The following KCNH4 variants were observed in gnomAD, a reference collection of about 807,000 sequenced individuals.
KCNH4 encodes potassium voltage-gated channel subfamily H member 4.
A neutral mutation model predicts 90.7 loss-of-function variants in KCNH4; 33 were observed. The observed-to-expected ratio is 0.36, with a 90% CI of 0.28 to 0.49. The LOEUF (loss-of-function observed/expected upper bound fraction) is 0.49. Among genes scored for constraint, KCNH4 ranks in the 20% least tolerant of loss-of-function variants. The probability of loss-of-function intolerance (pLI) is 0.98; values close to 1 mark genes in which losing one functional copy is unlikely to be tolerated. For synonymous variants in KCNH4, 551 were observed against 581.7 expected, an observed-to-expected ratio of 0.95 and a Z score of 0.76; for missense variants, 1,044 against 1,387.1, an observed-to-expected ratio of 0.75 and a Z score of 3.93.
intron 6 of KCNH4, among the ~76,000 whole-genome samples, chr17:42,173,895 G>T (rs1377177984): frequency 6.6e-6 from 1 of 151,592 alleles, no homozygotes; most frequent in African/African-American, 2.4e-5. Context: ...GTAGAGACAG[G>T]ATTTCACCAT....
In KCNH4 at chr17:42,173,693, C is replaced by CTTTTTTTTTTTTTTTTTTT. The variant is rs532100884; in HGVS notation, c.988-1717_988-1699dup. 3.0e-5 allele frequency among the ~76,000 whole-genome samples: 2 copies of CTTTTTTTTTTTTTTTTTTT among 66,266 alleles called. 1 individual carries two copies. Among genetic ancestry groups the CTTTTTTTTTTTTTTTTTTT allele is most frequent in the African/African-American group, 1.3e-4 (2 of 14,970 alleles). 43.5% of individuals were successfully genotyped at this position (66,266 alleles called of 152,430 possible). ...AGACTGGAAGTTTAGCGATCTGGTT[C>CTTTTTTTTTTTTTTTTTTT]TTTTTTTTTTTTTTTTTTTTTTTTT... On this transcript the variant is annotated intron_variant, in intron 6 of 16. Transcript: ENST00000264661.
chr17:42,163,696 T>C lies in KCNH4; in HGVS notation c.2387A>G (p.His796Arg). 6.7e-7 allele frequency: 1 copy of C among 1,489,180 alleles called. No homozygotes were observed. The highest frequency in any genetic ancestry group is 8.9e-7 in the Non-Finnish European group (1 of 1,120,416). 92.2% of individuals were successfully genotyped at this position (1,489,180 alleles called of 1,614,324 possible). Residue 796 changes from histidine to arginine, a missense_variant, in exon 13 of 17, where the codon CAC becomes CGC. Physicochemically the swap from His to Arg is conservative, Grantham distance 29. Coordinates refer to ENST00000264661, the MANE Select transcript of KCNH4 (RefSeq NM_012285.3). The surrounding 1 kb of genome is among the most constrained non-coding windows in gnomAD (Gnocchi z 5.4). ...LAGQGHSASPHGPPRCSAAWK... is the reference protein window; with the variant it reads ...LAGQGHSASPRGPPRCSAAWK... The stretch of plus-strand genomic sequence containing the variant: ...GGCAGCAGAGCACCTGGGGGGGCCG[T>C]GAGGGGAGGCACTGTGGCCCTGGCC...
At chr17:42,177,105 A>C (rs534552282) in intron 4 of KCNH4, among the ~76,000 whole-genome samples, 6 of 151,716 alleles carry the variant, frequency 4.0e-5, no homozygotes, top group African/African-American at 1.5e-4. Flanking sequence ...GCTGGAGTGC[A>C]ATGGTGCAAT....
chr17:42,173,696 T>TG (rs71357529), intron 6 of KCNH4, among the ~76,000 whole-genome samples: 1 of 96,290 alleles, frequency 1.0e-5, no homozygotes, highest in Non-Finnish European at 2.1e-5. Context: ...TCTGGTTCTT[T>TG]TTTTTTTTTT....
At chr17:42,172,482 C>T (rs148486840) in intron 6 of KCNH4, among the ~76,000 whole-genome samples, 55 of 148,692 alleles carry the variant, frequency 3.7e-4, no homozygotes, top group Non-Finnish European at 6.9e-4. Context: ...TTAGTAAGTA[C>T]GTTCTATGTG....
rs201946268 is a variant in KCNH4, at chr17:42,165,724, G to A, written c.1841-31C>T. ...GGTAAGGGATGGGGACAGTCAGCTG[G>A]GGCAGTGAGAACGAAAGGATATCAG... is the stretch of plus-strand genomic sequence containing the variant. On this transcript the variant is annotated intron_variant, in intron 10 of 16. Coordinates refer to ENST00000264661, the MANE Select transcript of KCNH4 (RefSeq NM_012285.3). 24 of 1,612,488 alleles carry A rather than the reference G, an allele frequency of 1.5e-5. No homozygotes were observed. In the Middle Eastern group the frequency reaches 4.9e-4, roughly 33 times the overall value.
intron 4 of KCNH4, among the ~76,000 whole-genome samples, chr17:42,176,509 CTTTTTTTTTTTT>C (rs869250233): frequency 0.019 from 1,321 of 68,482 alleles, 46 homozygotes; most frequent in African/African-American, 0.083. Flanking sequence ...GGCCCTCCTC[CTTTTTTTTTTTT>C]TTTTTTTTTT....
In KCNH4 at chr17:42,178,326, G is replaced by A; in HGVS notation, c.457+5C>T. 6.2e-7 allele frequency: 1 copy of A among 1,614,230 alleles called. No homozygotes were observed. On this transcript the variant is annotated splice_donor_5th_base_variant and intron_variant, in intron 3 of 16. Coordinates refer to ENST00000264661, the MANE Select transcript of KCNH4 (RefSeq NM_012285.3). Reference sequence around the variant, plus strand: ...TTCACACTGCCCGTCCGGACTTGCTGTTACCGTGATTACTGTCCCCGCGGC... The same window carrying A: ...TTCACACTGCCCGTCCGGACTTGCTATTACCGTGATTACTGTCCCCGCGGC...
At chr17:42,162,545 T>C (rs1398007758) in intron 14 of KCNH4, among the ~76,000 whole-genome samples, 1 of 152,020 alleles carries the variant, frequency 6.6e-6, no homozygotes, top group Non-Finnish European at 1.5e-5. Flanking sequence ...AGCTTCTCTT[T>C]GGTGTCTGAA....
In KCNH4 at chr17:42,171,824, C is replaced by G. The variant is rs1273272066; in HGVS notation, c.1159G>C (p.Glu387Gln). 13 of 1,614,132 alleles carry G rather than the reference C, an allele frequency of 8.1e-6. No homozygotes were observed. The highest frequency in any genetic ancestry group is 1.0e-5 in the Non-Finnish European group (12 of 1,180,020). The part of the protein sequence containing the change: ...ACIWYVIGRR[E>Q]MEANDPLLWD... ...AGCAGCGGGTCATTGGCCTCCATCT[C>G]CCGGCGCCCGATGACATACCAGATG... The change falls in exon 7 of 17, where the codon GAG (glutamate) becomes CAG (glutamine). Residue 387 changes from glutamate (E) to glutamine (Q), a missense_variant. Around this residue, in one of 4 missense-constraint regions of KCNH4, gnomAD observed 318 missense variants for 479.6 expected, o/e 0.66. Coordinates refer to ENST00000264661, the MANE Select transcript of KCNH4 (RefSeq NM_012285.3).
chr17:42,166,328 C>T lies in KCNH4; in HGVS notation c.1809G>A (p.Val603=). 1 of 1,610,306 alleles carries T rather than the reference C, an allele frequency of 6.2e-7. No individual in the cohort carries two copies. The highest frequency in any genetic ancestry group is 1.1e-5 in the South Asian group (1 of 90,348). ...HYYVCSGSLE[V]LRDNMVLAIL... ...TGGCCAGCACCATGTTGTCTCGGAGCACCTCAAGCGAGCCGGAGCAGACAT... is the reference window on the plus strand; with the variant it reads ...TGGCCAGCACCATGTTGTCTCGGAGTACCTCAAGCGAGCCGGAGCAGACAT... The change falls in exon 10 of 17, where the codon GTG becomes GTA. Residue 603 remains valine (V), a synonymous_variant. Coordinates refer to ENST00000264661, the MANE Select transcript of KCNH4 (RefSeq NM_012285.3).
At chr17:42,159,686 T>G (rs2079731711) in intron 16 of KCNH4, 45 bp downstream of exon 16, 1 of 198,620 alleles carries the variant, frequency 5.0e-6, no homozygotes, top group Admixed American at 6.0e-5. Flanking sequence ...TGTCCTAGGC[T>G]GGAGCTGGGT....
intron 8 of KCNH4, 25 bp from the exon 9 acceptor site, chr17:42,169,701 C>T (rs373652368): frequency 3.7e-6 from 6 of 1,608,356 alleles, no homozygotes; most frequent in Non-Finnish European, 5.1e-6. Flanking sequence ...GCGGGCCTGT[C>T]AGGGGCGGCC....
intron 16 of KCNH4, among the ~76,000 whole-genome samples, chr17:42,157,984 A>G (rs79845193): frequency 0.038 from 5,833 of 152,044 alleles, 460 homozygotes; most frequent in East Asian, 0.36. Context: ...ACTTGAGAGC[A>G]ATGGCACGAT....
chr17:42,176,578 A>G (rs968931920), intron 4 of KCNH4, among the ~76,000 whole-genome samples: 1 of 125,538 alleles, frequency 8.0e-6, no homozygotes, highest in Non-Finnish European at 1.6e-5. Flanking sequence ...GCTGGAGTGC[A>G]AGGGCATGAT....
At position 42,163,685 on chromosome 17, in the gene KCNH4, TG is replaced by T. The variant is rs778022334; in HGVS notation, c.2397del (p.Arg800GlyfsTer28). 13 of 1,478,202 alleles carry T rather than the reference TG, an allele frequency of 8.8e-6. No individual in the cohort carries two copies. Among genetic ancestry groups the T allele is most frequent in the South Asian group, 2.8e-5 (2 of 71,964 alleles). 91.6% of individuals were successfully genotyped at this position (1,478,202 alleles called of 1,614,324 possible). A position where few individuals can be genotyped will look rare whatever the true frequency, so the allele number is the denominator to read the frequency against. ...GGGGGCTTCCAGGCAGCAGAGCACC[TG>T]GGGGGGCCGTGAGGGGAGGCACTGT... ...QGHSASPHGP[P>X]RCSAAWKPPQ... On this transcript the variant is annotated frameshift_variant, in exon 13 of 17. Transcript: ENST00000264661. LOFTEE classifies it high-confidence loss of function. This position sits in a 1 kb window ranked among gnomAD's most constrained non-coding sequence, Gnocchi z 5.4.
At position 42,171,984 on chromosome 17, in the gene KCNH4, C is replaced by T; in HGVS notation, c.999G>A (p.Val333=). Residue 333 remains valine, a synonymous_variant, in exon 7 of 17, where the codon GTG becomes GTA. Coordinates refer to ENST00000264661, the MANE Select transcript of KCNH4 (RefSeq NM_012285.3). ...YIFNITVTSL[V]HLLKTVRLLR... is the part of the protein sequence containing the mutation. ...ACAGCCGCACTGTCTTCAGTAGGTG[C>T]ACCAGCGAGGTCTGCAGGAAGGTGG... 1.2e-6 allele frequency: 2 copies of T among 1,600,388 alleles called. No homozygotes were observed. Among genetic ancestry groups the T allele is most frequent in the Non-Finnish European group, 1.7e-6 (2 of 1,174,208 alleles).
rs187161646 is a variant in KCNH4 at position 42,170,263 on chromosome 17, A to G, written c.1234T>C (p.Tyr412His). Residue 412 changes from tyrosine (Y) to histidine (H), a missense_variant, in exon 8 of 17, where the codon TAT becomes CAT. Tyr to His is a moderately conservative substitution (Grantham distance 83). This residue lies in a region of KCNH4 where 318 missense variants were observed against 479.6 expected (regional missense o/e 0.66). Transcript: ENST00000264661. ...GGGCCGCCCACCGAGCCATTGACAT[A>G]GGGCACCTCCAGACGCTTGCCCAAC... Reference protein sequence around the residue: ...HELGKRLEVPYVNGSVGGPSR... With the variant: ...HELGKRLEVPHVNGSVGGPSR... The G allele has an allele frequency of 2.4e-5, 39 of 1,605,932 alleles. No individual in the cohort carries two copies. In the Admixed American group the frequency reaches 5.4e-4, roughly 22 times the overall value.
chr17:42,170,090 G>A lies in KCNH4; in HGVS notation c.1390+17C>T. On this transcript the variant is annotated intron_variant, in intron 8 of 16. Transcript: ENST00000264661. ...GCTTCGCAGGGCCCCACTGAGGCGT[G>A]GCAGGTCTGGCCTCACCGCCTATGA... is the stretch of plus-strand genomic sequence containing the variant. The A allele has an allele frequency of 6.3e-7, 1 of 1,575,908 alleles. No homozygotes were observed. The highest frequency in any genetic ancestry group is 8.6e-7 in the Non-Finnish European group (1 of 1,159,006).
Sources: allele counts gnomAD v4.1 joint callset (sites outside exome capture counted in the v4.1 genomes callset), GRCh38; gene constraint gnomAD v4.1.1; regional missense constraint gnomAD v4.1.1; non-coding constraint Gnocchi (gnomAD v3.1); transcripts MANE v1.5; gene names NCBI Gene and HGNC (gene_info 2026-07-23, HGNC 2026-07-21).